SLC49A4: variants seen among roughly 807,000 people sequenced by gnomAD.
SLC49A4 encodes disrupted in renal cancer protein 2.
A neutral mutation model predicts 50.6 loss-of-function variants in SLC49A4; 36 were observed. The ratio of observed to expected loss-of-function variants is 0.71; its 90% CI spans 0.55 to 0.94. The LOEUF (loss-of-function observed/expected upper bound fraction) is 0.94. Among genes scored for constraint, SLC49A4 ranks in the 40% least tolerant of loss-of-function variants. The pLI is 0.00. For missense variants in SLC49A4, 503 were observed against 605.7 expected, an observed-to-expected ratio of 0.83 and a Z score of 1.78; for synonymous variants, 248 against 241.2, an observed-to-expected ratio of 1.03 and a Z score of -0.26.
chr3:122,870,566 TG>T (rs1169556897), intron 7 of SLC49A4, among the ~76,000 whole-genome samples: 1 of 145,826 alleles, frequency 6.9e-6, no homozygotes, highest in African/African-American at 2.5e-5. Context: ...CCCAGCACTT[TG>T]GGGGGCTGAG....
At chr3:122,846,020 T>C in intron 5 of SLC49A4, 149 bp downstream of exon 5, 1 of 442,532 alleles carries the variant, frequency 2.3e-6, no homozygotes, top group East Asian at 3.6e-5. Flanking sequence ...ATGGAATAGG[T>C]AAAAAATAAT....
intron 4 of SLC49A4, among the ~76,000 whole-genome samples, chr3:122,840,831 T>G (rs2107571702): frequency 6.6e-6 from 1 of 152,324 alleles, no homozygotes; most frequent in Admixed American, 6.5e-5. Context: ...AATAATTAGT[T>G]TCTGAAATTT....
chr3:122,842,031 A>G (rs1306898378), intron 4 of SLC49A4, among the ~76,000 whole-genome samples: 1 of 152,230 alleles, frequency 6.6e-6, no homozygotes, highest in Non-Finnish European at 1.5e-5. Flanking sequence ...AATGCCACTT[A>G]AGTAAATTTT....
intron 5 of SLC49A4, among the ~76,000 whole-genome samples, chr3:122,852,515 G>A (rs959755942): frequency 2.0e-5 from 3 of 152,184 alleles, no homozygotes; most frequent in Non-Finnish European, 4.4e-5. Flanking sequence ...GAAAAACTGT[G>A]GAGATAATTT....
chr3:122,798,831 G>A (rs1029805419), intron 1 of SLC49A4, among the ~76,000 whole-genome samples: 1 of 151,626 alleles, frequency 6.6e-6, no homozygotes, highest in Admixed American at 6.6e-5. Context: ...CAGAGACAGG[G>A]TCTCACCATG....
intron 3 of SLC49A4, 36 bp from the exon 4 acceptor site, chr3:122,833,281 T>C (rs1434182356): frequency 6.3e-7 from 1 of 1,597,808 alleles, no homozygotes; most frequent in Non-Finnish European, 8.5e-7. Context: ...CTTTTTGTGT[T>C]TCCTGGTTAA....
intron 1 of SLC49A4, among the ~76,000 whole-genome samples, chr3:122,798,769 C>T (rs1936088794): frequency 6.8e-6 from 1 of 146,144 alleles, no homozygotes; most frequent in South Asian, 2.2e-4. Context: ...CTCTGAGTAG[C>T]TGAGACTACA....
At chr3:122,826,153 G>A (rs1410481333) in intron 2 of SLC49A4, among the ~76,000 whole-genome samples, 2 of 152,166 alleles carry the variant, frequency 1.3e-5, no homozygotes, top group African/African-American at 4.8e-5. Context: ...GTATTGTTCA[G>A]GGCTAGCCCT....
Position 122,879,425 on chromosome 3 carries a change from G to C in SLC49A4, c.*47G>C, listed in dbSNP as rs771039278. 27 of 1,360,654 alleles carry C rather than the reference G, an allele frequency of 2.0e-5. No homozygotes were observed. The highest frequency in any genetic ancestry group is 2.5e-5 in the Non-Finnish European group (24 of 958,782). The allele number at this position is 1,360,654 out of a possible 1,614,324, so 84.3% of individuals were successfully genotyped here. A position where few individuals can be genotyped will look rare whatever the true frequency, so the allele number is the denominator to read the frequency against. On this transcript the variant is annotated 3_prime_UTR_variant, in exon 9 of 9. Transcript: ENST00000261038. ...TAAAAGGAGGCTGGAAATCAATACT[G>C]CACACTGCACATTTGCTCAGAATTG...
At chr3:122,848,660 TTTTTA>T (rs1404804247) in intron 5 of SLC49A4, among the ~76,000 whole-genome samples, 8 of 152,014 alleles carry the variant, frequency 5.3e-5, no homozygotes, top group African/African-American at 1.9e-4. Context: ...GCTTTTAAAA[TTTTTA>T]TTTTATTTTT....
chr3:122,832,114 C>T (rs2107567593), intron 3 of SLC49A4, among the ~76,000 whole-genome samples: 1 of 152,138 alleles, frequency 6.6e-6, no homozygotes, highest in South Asian at 2.1e-4. Context: ...AAGAATATAG[C>T]CCTAGAATTA....
At chr3:122,826,776 AG>A in intron 2 of SLC49A4, 23 bp from the exon 3 acceptor site, 1 of 1,608,320 alleles carries the variant, frequency 6.2e-7, no homozygotes, top group Non-Finnish European at 8.5e-7. Context: ...AATACCTCAC[AG>A]CCTTTTAATT....
chr3:122,808,254 A>T (rs1440445310), intron 2 of SLC49A4, among the ~76,000 whole-genome samples: 1 of 152,190 alleles, frequency 6.6e-6, no homozygotes, highest in Non-Finnish European at 1.5e-5. Context: ...GTTTCATTCC[A>T]CTCAGGGAAA....
In SLC49A4 at chr3:122,795,209, G is replaced by A; in HGVS notation, c.17G>A (p.Ser6Asn). The change falls in exon 1 of 9, where the codon AGC (serine) becomes AAC (asparagine). Residue 6 changes from serine to asparagine, a missense_variant. Ser to Asn is a conservative substitution (Grantham distance 46). Transcript: ENST00000261038. MGSRW[S>N]SEEERQPLLG... Reference sequence around the variant, plus strand: ...CGCGTCGCCATGGGCTCTCGCTGGAGCAGCGAAGAGGAGAGGCAGCCGCTG... The same window carrying A: ...CGCGTCGCCATGGGCTCTCGCTGGAACAGCGAAGAGGAGAGGCAGCCGCTG... 2.3e-6 allele frequency: 3 copies of A among 1,331,596 alleles called. No homozygotes were observed. In the South Asian group the frequency reaches 6.5e-5, roughly 29 times the overall value. The allele number at this position is 1,331,596 out of a possible 1,614,324, so 82.5% of individuals were successfully genotyped here.
At chr3:122,864,157 C>T (rs1365433430) in intron 7 of SLC49A4, among the ~76,000 whole-genome samples, 1 of 152,208 alleles carries the variant, frequency 6.6e-6, no homozygotes, top group Non-Finnish European at 1.5e-5. Context: ...TCCAGTCTAT[C>T]CCAGAGCATA....
chr3:122,864,864 A>C (rs1018047023), intron 7 of SLC49A4, among the ~76,000 whole-genome samples: 1 of 152,166 alleles, frequency 6.6e-6, no homozygotes, highest in African/African-American at 2.4e-5. Flanking sequence ...AAATAAAAAA[A>C]TTACCAGATA....
At chr3:122,824,214 A>G (rs981199307) in intron 2 of SLC49A4, among the ~76,000 whole-genome samples, 2 of 152,238 alleles carry the variant, frequency 1.3e-5, no homozygotes, top group Non-Finnish European at 2.9e-5. Flanking sequence ...AATTCCTGAG[A>G]TGGTTTTTAA....
At chr3:122,865,311 T>C (rs1364951288) in intron 7 of SLC49A4, among the ~76,000 whole-genome samples, 1 of 152,232 alleles carries the variant, frequency 6.6e-6, no homozygotes, top group Non-Finnish European at 1.5e-5. Context: ...AGATTCTGTG[T>C]TTCTTACAGT....
At chr3:122,815,163 C>T (rs1024616055) in intron 2 of SLC49A4, among the ~76,000 whole-genome samples, 8 of 151,762 alleles carry the variant, frequency 5.3e-5, no homozygotes, top group Non-Finnish European at 1.0e-4. Context: ...GATCTTGGCT[C>T]ACTGCCACCT....
Sources: gnomAD v4.1 joint callset for allele counts (sites outside exome capture counted in the v4.1 genomes callset) on GRCh38, gnomAD v4.1.1 for gene constraint, MANE v1.5 for transcripts, NCBI Gene and HGNC (gene_info 2026-07-23, HGNC 2026-07-21) for gene names.